The following SLC13A4 variants were observed in gnomAD, a reference collection of about 807,000 sequenced individuals.
SLC13A4 encodes Na(+)/sulfate cotransporter SUT-1.
A neutral mutation model predicts 72.7 loss-of-function variants in SLC13A4; 28 were observed. The ratio of observed to expected loss-of-function variants is 0.39; its 90% CI spans 0.29 to 0.53. The LOEUF is 0.53. Ranked by LOEUF, SLC13A4 falls within the 20% of genes least tolerant of loss-of-function variation. SLC13A4 has a pLI of 0.78. For synonymous variants in SLC13A4, 312 were observed against 325.5 expected (o/e 0.96, Z 0.45); for missense variants, 653 against 788.0 (o/e 0.83, Z 2.05).
At chr7:135,701,551 A>G in intron 7 of SLC13A4, 129 bp downstream of exon 7, 3 of 852,952 alleles carry the variant, frequency 3.5e-6, no homozygotes, top group South Asian at 3.0e-5. Context: ...CCAGACATGT[A>G]TGAGAGTAAT....
chr7:135,701,623 G>A, intron 7 of SLC13A4, 57 bp downstream of exon 7: 1 of 1,548,632 alleles, frequency 6.5e-7, no homozygotes, highest in African/African-American at 1.4e-5. Context: ...GTGCCCTTGG[G>A]AAGCAGTTCA....
At chr7:135,699,285 C>T (rs938719798) in intron 8 of SLC13A4, 79 bp downstream of exon 8, 1 of 1,314,506 alleles carries the variant, frequency 7.6e-7, no homozygotes. Context: ...TCATTTTCTA[C>T]CATATCTCTA....
In SLC13A4 at chr7:135,721,416, G is replaced by A. The variant is rs138849406; in HGVS notation, c.207C>T (p.Phe69=). ...ALVPAFLYPF[F]GVLRSNEVAA... is the part of the protein sequence containing the mutation. ...TAACCTCATTGGACCGGAGGACTCC[G>A]AAGAACGGGTAAAGGAAGGCCGGCA... is the stretch of plus-strand genomic sequence containing the variant. The change falls in exon 2 of 16, where the codon TTC becomes TTT. Residue 69 remains phenylalanine, a synonymous_variant. Transcript: ENST00000682651. 31 of 1,613,944 alleles carry A rather than the reference G, an allele frequency of 1.9e-5. No individual in the cohort carries two copies. The African/African-American group carries it at 2.5e-4, about 13-fold the overall frequency.
chr7:135,693,741 A>G (rs1382331721), intron 10 of SLC13A4, among the ~76,000 whole-genome samples: 1 of 152,168 alleles, frequency 6.6e-6, no homozygotes, highest in African/African-American at 2.4e-5. Context: ...TAAATATAGC[A>G]CAGAGTCTCC....
chr7:135,727,415 C>G lies in SLC13A4; in HGVS notation c.82G>C (p.Val28Leu), dbSNP rs1224064736. The G allele has an allele frequency of 3.2e-6, 5 of 1,549,496 alleles. No homozygotes were observed. Among genetic ancestry groups the G allele is most frequent in the Non-Finnish European group, 4.4e-6 (5 of 1,146,902 alleles). The change falls in exon 1 of 16, where the codon GTC becomes CTC. Residue 28 changes from valine to leucine, a missense_variant. Coordinates refer to ENST00000682651, the MANE Select transcript of SLC13A4 (RefSeq NM_001318192.2). ...CVPLLLLPLP[V>L]LHPSSEASCA... is the part of the protein sequence containing the mutation. ...GTACTCACGCTGCTGGGGTGGAGGA[C>G]GGGCAGAGGCAGCAGCAGGAGCGGG...
rs781398963 is a variant in SLC13A4, at chr7:135,681,608, A to C, written c.1839T>G (p.Thr613=). 3 of 1,614,100 alleles carry C rather than the reference A, an allele frequency of 1.9e-6. No individual in the cohort carries two copies. The South Asian group carries it at 3.3e-5, about 18-fold the overall frequency. Residue 613 remains threonine (T), a synonymous_variant, in exon 16 of 16, where the codon ACT becomes ACG. Coordinates refer to ENST00000682651, the MANE Select transcript of SLC13A4 (RefSeq NM_001318192.2). ...TWGVSLFHLD[T]YPAWARVSNI... ...TGCTGACCCTCGCCCATGCTGGGTA[A>C]GTGTCCAGGTGGAAGAGGCTAACTC...
chr7:135,721,629 G>T, intron 1 of SLC13A4, 106 bp from the exon 2 acceptor site: 3 of 1,439,982 alleles, frequency 2.1e-6, no homozygotes, highest in Non-Finnish European at 2.9e-6. Flanking sequence ...TGTAACGCGG[G>T]TACTAGGATA....
intron 15 of SLC13A4, chr7:135,683,461 T>G (rs1419250882): frequency 1.0e-6 from 1 of 984,640 alleles, no homozygotes. Context: ...GTAATTCGTA[T>G]CAGTGTTTTC....
chr7:135,681,743 A>G lies in SLC13A4; in HGVS notation c.1747-43T>C, dbSNP rs201977049. The stretch of plus-strand genomic sequence containing the variant: ...GCACACCCTAGTCACTCTGACCAGC[A>G]GCAGCACAGATCCCCAAGTCCCCCT... On this transcript the variant is annotated intron_variant, in intron 15 of 15. Coordinates refer to ENST00000682651, the MANE Select transcript of SLC13A4 (RefSeq NM_001318192.2). The G allele has an allele frequency of 4.8e-5, 76 of 1,592,660 alleles. No individual in the cohort carries two copies. In the African/African-American group the frequency reaches 7.6e-4, roughly 16 times the overall value.
chr7:135,725,731 G>A (rs1050974250), intron 1 of SLC13A4, among the ~76,000 whole-genome samples: 1 of 152,180 alleles, frequency 6.6e-6, no homozygotes, highest in African/African-American at 2.4e-5. Flanking sequence ...AACACTTTGG[G>A]AGGATCACGT....
At chr7:135,695,568 C>T in intron 8 of SLC13A4, 81 bp from the exon 9 acceptor site, 1 of 1,472,012 alleles carries the variant, frequency 6.8e-7, no homozygotes, top group East Asian at 2.5e-5. Flanking sequence ...CAAATGCTCC[C>T]TAAAACATAC....
At chr7:135,688,411 C>A (rs890764721) in intron 13 of SLC13A4, among the ~76,000 whole-genome samples, 22 of 152,054 alleles carry the variant, frequency 1.4e-4, no homozygotes, top group Non-Finnish European at 2.9e-4. Context: ...TGTCCGCCAC[C>A]ACGCCTAACT....
At chr7:135,699,601 G>A (rs1352155490) in intron 7 of SLC13A4, 53 bp from the exon 8 acceptor site, 46 of 1,497,774 alleles carry the variant, frequency 3.1e-5, no homozygotes, top group Admixed American at 6.0e-5. Context: ...CTGTCTGGCC[G>A]AAGCATGAGA....
intron 2 of SLC13A4, among the ~76,000 whole-genome samples, chr7:135,720,812 A>G (rs1204365473): frequency 6.6e-6 from 1 of 152,206 alleles, no homozygotes; most frequent in Non-Finnish European, 1.5e-5. Context: ...AAGGCCACAG[A>G]CAGTGAATGG....
Position 135,723,902 on chromosome 7 carries a change from C to T in SLC13A4, c.100-2379G>A, listed in dbSNP as rs191466476. Among the ~76,000 whole-genome samples the T allele has an allele frequency of 1.9e-3, 288 of 151,978 alleles. 3 individuals carry two copies. Among genetic ancestry groups the T allele is most frequent in the African/African-American group, 6.6e-3 (275 of 41,450 alleles). On this transcript the variant is annotated intron_variant, in intron 1 of 15. Coordinates refer to ENST00000682651, the MANE Select transcript of SLC13A4 (RefSeq NM_001318192.2). ...TGGAAGTGCTGATAAGACAACAGAA[C>T]CAATGGTGGAAAAAAAAAGAGGCTC...
At chr7:135,720,255 T>A (rs945349943) in intron 2 of SLC13A4, among the ~76,000 whole-genome samples, 1 of 152,130 alleles carries the variant, frequency 6.6e-6, no homozygotes, top group Non-Finnish European at 1.5e-5. Context: ...AGTCTTTTTC[T>A]TATGGTGTAG....
intron 2 of SLC13A4, among the ~76,000 whole-genome samples, chr7:135,715,431 G>A (rs73160743): frequency 0.039 from 5,839 of 151,038 alleles, 133 homozygotes; most frequent in Non-Finnish European, 0.051. Context: ...GTGTGTGAGC[G>A]TGTGTATGAG....
intron 15 of SLC13A4, chr7:135,683,486 C>G (rs73160711): frequency 1.1e-4 from 110 of 976,300 alleles, no homozygotes; most frequent in Middle Eastern, 1.1e-3. Flanking sequence ...CTCTCCCCCC[C>G]CGCTCAGCCC....
intron 13 of SLC13A4, among the ~76,000 whole-genome samples, chr7:135,690,751 C>G (rs1373810386): frequency 6.6e-6 from 1 of 152,162 alleles, no homozygotes; most frequent in African/African-American, 2.4e-5. Context: ...GGACATCCAT[C>G]CTGCTCTATT....
Sources: allele counts gnomAD v4.1 joint callset (sites outside exome capture counted in the v4.1 genomes callset), GRCh38; gene constraint gnomAD v4.1.1; transcripts MANE v1.5; gene names NCBI Gene and HGNC (gene_info 2026-07-23, HGNC 2026-07-21).